PGRMC2: variants seen among roughly 807,000 people sequenced by gnomAD.
PGRMC2 encodes progesterone receptor membrane component 2.
PGRMC2 carries 9 observed loss-of-function variants against 19.3 expected under a neutral mutation model. The ratio of observed to expected loss-of-function variants is 0.47; its 90% CI spans 0.28 to 0.81. The LOEUF is 0.81. Ranked by LOEUF, PGRMC2 falls within the 40% of genes least tolerant of loss-of-function variation. PGRMC2 has a pLI of 0.11. For missense variants in PGRMC2, 289 were observed against 297.3 expected, an observed-to-expected ratio of 0.97 and a Z score of 0.21; for synonymous variants, 157 against 124.6, an observed-to-expected ratio of 1.26 and a Z score of -1.73.
chr4:128,274,839 T>G (rs1370481902), intron 1 of PGRMC2, among the ~76,000 whole-genome samples: 2 of 152,208 alleles, frequency 1.3e-5, no homozygotes, highest in Non-Finnish European at 2.9e-5. Context: ...ATAGGTTCAA[T>G]TTTTAAAAGA....
intron 1 of PGRMC2, among the ~76,000 whole-genome samples, chr4:128,274,515 GA>G (rs34809072): frequency 0.024 from 1,268 of 52,902 alleles, 5 homozygotes; most frequent in African/African-American, 0.047. Context: ...CTTCTCCAAA[GA>G]AAAAAAAAAA....
In PGRMC2 at chr4:128,271,301, G is replaced by A. The variant is rs772398997; in HGVS notation, c.*15C>T. The A allele has an allele frequency of 1.4e-6, 2 of 1,417,920 alleles. No individual in the cohort carries two copies. The highest frequency in any genetic ancestry group is 1.7e-5 in the Admixed American group (1 of 58,294). 87.8% of individuals were successfully genotyped at this position (1,417,920 alleles called of 1,614,324 possible). ...TGCAGTTCTGAAGGCCCCTGACTTTGGTTGTTTACAAAGTTCAATCCTGTT... is the reference window on the plus strand; with the variant it reads ...TGCAGTTCTGAAGGCCCCTGACTTTAGTTGTTTACAAAGTTCAATCCTGTT... On this transcript the variant is annotated 3_prime_UTR_variant, in exon 3 of 3. Coordinates refer to ENST00000296425, the MANE Select transcript of PGRMC2 (RefSeq NM_006320.6).
chr4:128,287,171 A>C, intron 1 of PGRMC2: 1 of 475,952 alleles, frequency 2.1e-6, no homozygotes, highest in Non-Finnish European at 3.6e-6. Context: ...TTTCGGGGGA[A>C]GAACTGGAGG....
At chr4:128,282,929 G>T (rs369469626) in intron 1 of PGRMC2, among the ~76,000 whole-genome samples, 1 of 152,114 alleles carries the variant, frequency 6.6e-6, no homozygotes, top group Non-Finnish European at 1.5e-5. Context: ...TTCTTCTTAC[G>T]TGACTTTTTT....
chr4:128,285,557 T>C (rs1455002591), intron 1 of PGRMC2, among the ~76,000 whole-genome samples: 1 of 152,232 alleles, frequency 6.6e-6, no homozygotes, highest in East Asian at 1.9e-4. Flanking sequence ...ATACGATTCT[T>C]TGTACTAATA....
chr4:128,285,658 G>C (rs1325455577), intron 1 of PGRMC2, among the ~76,000 whole-genome samples: 1 of 152,126 alleles, frequency 6.6e-6, no homozygotes, highest in African/African-American at 2.4e-5. Context: ...ACCTGTACAG[G>C]ATTTCTAATC....
chr4:128,282,540 G>A (rs750249576), intron 1 of PGRMC2, among the ~76,000 whole-genome samples: 1 of 152,168 alleles, frequency 6.6e-6, no homozygotes, highest in African/African-American at 2.4e-5. Flanking sequence ...AGCCAACTAA[G>A]TAGTTATAAT....
chr4:128,273,536 CAA>C (rs1195231930), intron 1 of PGRMC2, among the ~76,000 whole-genome samples: 1 of 152,016 alleles, frequency 6.6e-6, no homozygotes, highest in African/African-American at 2.4e-5. Flanking sequence ...TTATGGTAGG[CAA>C]AGACACTATT....
rs746936634 is a variant in PGRMC2 at position 128,286,252 on chromosome 4, TCAC to T, written c.418+1118_418+1120del. Reference sequence around the variant, plus strand: ...ATTTAATTATTTATTCTTATTGTAGTCACCACTTTTTTTTAAAGCTTAGTATTA... The same window carrying T: ...ATTTAATTATTTATTCTTATTGTAGTCACTTTTTTTTAAAGCTTAGTATTA... On this transcript the variant is annotated intron_variant, in intron 1 of 2. Transcript: ENST00000296425. Among the ~76,000 whole-genome samples, 78 of 152,106 alleles carry T rather than the reference TCAC, an allele frequency of 5.1e-4. 1 individual carries two copies. In the Middle Eastern group the frequency reaches 0.027, roughly 53 times the overall value.
At chr4:128,274,781 G>A (rs1244916364) in intron 1 of PGRMC2, among the ~76,000 whole-genome samples, 1 of 151,768 alleles carries the variant, frequency 6.6e-6, no homozygotes, top group African/African-American at 2.4e-5. Context: ...ACATACAAAA[G>A]GAAAAATAAA....
At chr4:128,276,612 T>C (rs1447067669) in intron 1 of PGRMC2, among the ~76,000 whole-genome samples, 1 of 152,204 alleles carries the variant, frequency 6.6e-6, no homozygotes, top group African/African-American at 2.4e-5. Context: ...CATGAGCCAC[T>C]GTGCCCAGCC....
intron 1 of PGRMC2, among the ~76,000 whole-genome samples, chr4:128,283,578 A>C (rs527567167): frequency 6.6e-6 from 1 of 152,270 alleles, no homozygotes; most frequent in East Asian, 1.9e-4. Flanking sequence ...ATTTTTAATT[A>C]TATCTAATTT....
At chr4:128,280,906 A>G (rs1760901330) in intron 1 of PGRMC2, among the ~76,000 whole-genome samples, 1 of 152,200 alleles carries the variant, frequency 6.6e-6, no homozygotes. Context: ...GGCCCAATCT[A>G]CAATTTTATA....
rs1034540391 is a variant in PGRMC2, at chr4:128,270,838, C to T, written c.*478G>A. On this transcript the variant is annotated 3_prime_UTR_variant, in exon 3 of 3. Coordinates refer to ENST00000296425, the MANE Select transcript of PGRMC2 (RefSeq NM_006320.6). ...CCTGAACAACTCAAATTGATGTGTACCCCCACCTCCCCTGATCAGGTCGCC... is the reference window on the plus strand; with the variant it reads ...CCTGAACAACTCAAATTGATGTGTATCCCCACCTCCCCTGATCAGGTCGCC... 2 of 152,234 alleles carry T rather than the reference C, an allele frequency of 1.3e-5. No individual in the cohort carries two copies. The highest frequency in any genetic ancestry group is 2.9e-5 in the Non-Finnish European group (2 of 68,126). 9.4% of individuals were successfully genotyped at this position (152,234 alleles called of 1,614,324 possible). A position where few individuals can be genotyped will look rare whatever the true frequency, so the allele number is the denominator to read the frequency against.
rs73848781 is a variant in PGRMC2 at position 128,284,240 on chromosome 4, T to A, written c.418+3133A>T. 4.7e-3 allele frequency among the ~76,000 whole-genome samples: 721 copies of A among 152,302 alleles called. 4 individuals are homozygous for A. The highest frequency in any genetic ancestry group is 0.017 in the African/African-American group (686 of 41,554). On this transcript the variant is annotated intron_variant, in intron 1 of 2. Coordinates refer to ENST00000296425, the MANE Select transcript of PGRMC2 (RefSeq NM_006320.6). ...TGCAGTTTACTAGAAATAGTATAGA[T>A]AAGCTGTGTGGTAATATCCATCTGG... is the stretch of plus-strand genomic sequence containing the variant.
intron 1 of PGRMC2, among the ~76,000 whole-genome samples, chr4:128,277,885 G>T (rs927277905): frequency 6.6e-6 from 1 of 152,186 alleles, no homozygotes; most frequent in African/African-American, 2.4e-5. Context: ...ATAGTCCTTA[G>T]ATCCCTCAAA....
At chr4:128,287,339 AG>A (rs762920093) in intron 1 of PGRMC2, 33 bp downstream of exon 1, 54 of 1,568,232 alleles carry the variant, frequency 3.4e-5, no homozygotes, top group African/African-American at 3.3e-4. Flanking sequence ...CTTCAGCTGC[AG>A]GGGGTCCTTC....
Position 128,275,176 on chromosome 4 carries a change from A to C in PGRMC2, c.419-2659T>G, listed in dbSNP as rs72924501. Among the ~76,000 whole-genome samples, 749 of 152,346 alleles carry C rather than the reference A, an allele frequency of 4.9e-3. 3 individuals are homozygous for C. The highest frequency in any genetic ancestry group is 0.017 in the African/African-American group (718 of 41,584). ...GAGAATTAACAAAAAAGCTCTACTT[A>C]ATAGCTTTTCTAAGCATTCTATTAT... On this transcript the variant is annotated intron_variant, in intron 1 of 2. Transcript: ENST00000296425.
In PGRMC2 at chr4:128,270,164, T is replaced by G. The variant is rs1028756267; in HGVS notation, c.*1152A>C. On this transcript the variant is annotated 3_prime_UTR_variant, in exon 3 of 3. Coordinates refer to ENST00000296425, the MANE Select transcript of PGRMC2 (RefSeq NM_006320.6). ...ATTTTGGTTTATTGTACATGCTTTATTAAAATGGTACTTGTATTTACAGTA... is the reference window on the plus strand; with the variant it reads ...ATTTTGGTTTATTGTACATGCTTTAGTAAAATGGTACTTGTATTTACAGTA... The G allele has an allele frequency of 2.0e-5, 3 of 152,650 alleles. No individual in the cohort carries two copies. Among genetic ancestry groups the G allele is most frequent in the African/African-American group, 7.2e-5 (3 of 41,450 alleles). The allele number at this position is 152,650 out of a possible 1,614,324, so 9.5% of individuals were successfully genotyped here.
Sources: allele counts gnomAD v4.1 joint callset (sites outside exome capture counted in the v4.1 genomes callset), GRCh38; gene constraint gnomAD v4.1.1; transcripts MANE v1.5; gene names NCBI Gene and HGNC (gene_info 2026-07-23, HGNC 2026-07-21).